The following EIF4B variants were observed in gnomAD, a reference collection of about 807,000 sequenced individuals.
EIF4B encodes eukaryotic translation initiation factor 4B.
A neutral mutation model predicts 79.3 loss-of-function variants in EIF4B; 8 were observed. The observed-to-expected ratio is 0.10, with a 90% CI of 0.06 to 0.18. The LOEUF (loss-of-function observed/expected upper bound fraction) is 0.18. Ranked by LOEUF, EIF4B falls within the 10% of genes least tolerant of loss-of-function variation. The probability of loss-of-function intolerance (pLI) is 1.00; values close to 1 mark genes in which losing one functional copy is unlikely to be tolerated. For missense variants in EIF4B, 515 were observed against 792.4 expected, an observed-to-expected ratio of 0.65 and a Z score of 4.20; for synonymous variants, 238 against 274.7, an observed-to-expected ratio of 0.87 and a Z score of 1.32.
intron 8 of EIF4B, among the ~76,000 whole-genome samples, chr12:53,033,345 T>TC (rs1244119887): frequency 6.7e-6 from 1 of 148,326 alleles, no homozygotes; most frequent in Admixed American, 6.8e-5. Context: ...TTTTTTTTTT[T>TC]TCTTTTTTTT....
rs1943629951 is a variant in EIF4B, at chr12:53,041,152, C to T, written c.*929C>T. The T allele has an allele frequency of 6.6e-6, 1 of 152,202 alleles. No homozygotes were observed. Among genetic ancestry groups the T allele is most frequent in the African/African-American group, 2.4e-5 (1 of 41,448 alleles). 9.4% of individuals were successfully genotyped at this position (152,202 alleles called of 1,614,324 possible). On this transcript the variant is annotated 3_prime_UTR_variant, in exon 15 of 15. Coordinates refer to ENST00000262056, the MANE Select transcript of EIF4B (RefSeq NM_001417.7). ...TCATCATCTTAAGTTCTTCATGCTA[C>T]TCTTAACCTCCCAAAAAGCAGTATC...
At chr12:53,033,696 A>G in intron 8 of EIF4B, 110 bp from the exon 9 acceptor site, 1 of 1,226,070 alleles carries the variant, frequency 8.2e-7, no homozygotes, top group Non-Finnish European at 1.1e-6. Flanking sequence ...TTAGGCCACT[A>G]ACTTGAATCT....
chr12:53,026,316 A>G (rs1943333099), intron 6 of EIF4B, among the ~76,000 whole-genome samples: 1 of 152,166 alleles, frequency 6.6e-6, no homozygotes, highest in Non-Finnish European at 1.5e-5. Context: ...TTTACAAACA[A>G]CATAACGCTA....
chr12:53,027,647 C>G (rs911455010), intron 6 of EIF4B, 135 bp from the exon 7 acceptor site: 10 of 1,415,728 alleles, frequency 7.1e-6, no homozygotes, highest in Admixed American at 2.4e-5. Context: ...AATTATTTCA[C>G]CAGGGAAACT....
At chr12:53,010,423 A>C (rs964938124) in intron 1 of EIF4B, among the ~76,000 whole-genome samples, 2 of 152,196 alleles carry the variant, frequency 1.3e-5, no homozygotes, top group Admixed American at 1.3e-4. Flanking sequence ...AGAAGGGTTT[A>C]TCCTGACAGT....
intron 11 of EIF4B, 91 bp downstream of exon 11, chr12:53,037,713 T>A (rs1943563150): frequency 7.4e-7 from 1 of 1,353,418 alleles, no homozygotes; most frequent in Non-Finnish European, 1.0e-6. Flanking sequence ...ATGCCAGCGT[T>A]GTATAGCACC....
At chr12:53,008,408 A>G (rs1943004640) in intron 1 of EIF4B, among the ~76,000 whole-genome samples, 1 of 152,180 alleles carries the variant, frequency 6.6e-6, no homozygotes, top group African/African-American at 2.4e-5. Flanking sequence ...CACATCTTTC[A>G]GTCTGTTCTT....
intron 1 of EIF4B, among the ~76,000 whole-genome samples, chr12:53,010,972 A>G (rs767072587): frequency 3.3e-5 from 5 of 152,206 alleles, no homozygotes; most frequent in Non-Finnish European, 7.3e-5. Flanking sequence ...CTTTTAAAGT[A>G]TACAGTTTGG....
intron 3 of EIF4B, among the ~76,000 whole-genome samples, chr12:53,019,450 C>CTTTTTCTTTTTTTT (rs1943208582): frequency 1.5e-5 from 1 of 65,998 alleles, no homozygotes; most frequent in Non-Finnish European, 3.1e-5. Flanking sequence ...TTTTTTTTTT[C>CTTTTTCTTTTTTTT]TTTTTTTTTT....
intron 1 of EIF4B, among the ~76,000 whole-genome samples, chr12:53,007,833 A>G (rs1451129685): frequency 6.6e-6 from 1 of 152,214 alleles, no homozygotes; most frequent in African/African-American, 2.4e-5. Context: ...ACAGTTGACC[A>G]AGCACTTTTG....
chr12:53,035,021 T>C (rs1014080239), intron 10 of EIF4B, among the ~76,000 whole-genome samples: 1 of 151,700 alleles, frequency 6.6e-6, no homozygotes, highest in East Asian at 1.9e-4. Context: ...GAATGTTGTT[T>C]ATTCAGAACA....
intron 1 of EIF4B, chr12:53,008,727 G>A (rs562182536): frequency 6.6e-6 from 1 of 152,118 alleles, no homozygotes; most frequent in Non-Finnish European, 1.5e-5. Context: ...TTAATTCCTT[G>A]CTTTGCTTCT....
intron 10 of EIF4B, among the ~76,000 whole-genome samples, chr12:53,037,083 T>C (rs4919699): frequency 0.91 from 138,836 of 152,224 alleles, 63,912 homozygotes; most frequent in East Asian, 1. Flanking sequence ...GGGGTTTCAT[T>C]GTAGGTCCTC....
chr12:53,025,241 TGAAA>T (rs1208755471), intron 6 of EIF4B: 1 of 455,714 alleles, frequency 2.2e-6, no homozygotes, highest in Non-Finnish European at 4.4e-6. Context: ...AAATGGCTCT[TGAAA>T]GAAAAAGCAG....
chr12:53,023,502 A>G (rs1408334922), intron 6 of EIF4B, among the ~76,000 whole-genome samples: 1 of 151,650 alleles, frequency 6.6e-6, no homozygotes, highest in African/African-American at 2.4e-5. Context: ...AAGTGCTGGG[A>G]TTACAGGCGT....
Position 53,028,118 on chromosome 12 carries a change from C to T in EIF4B, c.909C>T (p.Asp303=), listed in dbSNP as rs138017630. 5.0e-4 allele frequency: 808 copies of T among 1,614,062 alleles called. 6 individuals are homozygous for T. In the East Asian group the frequency reaches 0.017, roughly 33 times the overall value. The change falls in exon 8 of 15, where the codon GAC becomes GAT. Residue 303 remains aspartate, a synonymous_variant. Coordinates refer to ENST00000262056, the MANE Select transcript of EIF4B (RefSeq NM_001417.7). ...GGGACCGCTATGAAGACCGATATGACAGACGGGATGATCGGTCGTGGAGCT... is the reference window on the plus strand; with the variant it reads ...GGGACCGCTATGAAGACCGATATGATAGACGGGATGATCGGTCGTGGAGCT... ...GGGDRYEDRY[D]RRDDRSWSSR... is the part of the protein sequence containing the mutation.
At chr12:53,012,119 G>A (rs907665044) in intron 1 of EIF4B, 1 of 152,146 alleles carries the variant, frequency 6.6e-6, no homozygotes, top group Non-Finnish European at 1.5e-5. Context: ...ACAAACACGG[G>A]CACCTACTTT....
chr12:53,034,743 C>T (rs1353453407), intron 10 of EIF4B, 34 bp downstream of exon 10: 3 of 1,611,388 alleles, frequency 1.9e-6, no homozygotes, highest in Non-Finnish European at 2.5e-6. Flanking sequence ...CGTGTTATTG[C>T]CGTTTTCCAT....
intron 2 of EIF4B, among the ~76,000 whole-genome samples, chr12:53,017,175 C>T (rs1218499010): frequency 6.6e-6 from 1 of 151,638 alleles, no homozygotes; most frequent in Non-Finnish European, 1.5e-5. Flanking sequence ...ATTGCTTGAA[C>T]CTGGGAGGCG....
Sources: allele counts gnomAD v4.1 joint callset (sites outside exome capture counted in the v4.1 genomes callset), GRCh38; gene constraint gnomAD v4.1.1; transcripts MANE v1.5; gene names NCBI Gene and HGNC (gene_info 2026-07-23, HGNC 2026-07-21).